The following NKAIN2 variants were observed in gnomAD, a reference collection of about 807,000 sequenced individuals.
The protein encoded by NKAIN2 is sodium/potassium transporting ATPase interacting 2, also known as sodium/potassium-transporting ATPase subunit beta-1-interacting protein 2.
A neutral mutation model predicts 32.6 loss-of-function variants in NKAIN2; 14 were observed. The ratio of observed to expected loss-of-function variants is 0.43; its 90% CI spans 0.28 to 0.67. NKAIN2 has a LOEUF of 0.67. Among genes scored for constraint, NKAIN2 ranks in the 30% least tolerant of loss-of-function variants. NKAIN2 has a pLI of 0.17. For synonymous variants in NKAIN2, 80 were observed against 87.2 expected (o/e 0.92, Z 0.46); for missense variants, 198 against 258.3 (o/e 0.77, Z 1.60).
At chr6:124,726,344 C>T (rs1312436181) in intron 4 of NKAIN2, among the ~76,000 whole-genome samples, 3 of 152,196 alleles carry the variant, frequency 2.0e-5, no homozygotes, top group Non-Finnish European at 4.4e-5. Flanking sequence ...GTTCTCCCAG[C>T]ACACAGCTAG....
chr6:123,866,349 T>G (rs1772511234), intron 1 of NKAIN2, among the ~76,000 whole-genome samples: 1 of 152,138 alleles, frequency 6.6e-6, no homozygotes, highest in Admixed American at 6.5e-5. Flanking sequence ...CACACCTTCT[T>G]CAACCTATTA....
At chr6:124,328,835 A>G (rs1469035380) in intron 2 of NKAIN2, among the ~76,000 whole-genome samples, 3 of 152,194 alleles carry the variant, frequency 2.0e-5, no homozygotes, top group African/African-American at 7.2e-5. Context: ...AAAATAAGCC[A>G]TACTGGAAGA....
intron 3 of NKAIN2, among the ~76,000 whole-genome samples, chr6:124,407,621 G>A (rs1443648190): frequency 6.6e-6 from 1 of 152,038 alleles, no homozygotes; most frequent in African/African-American, 2.4e-5. Flanking sequence ...TTGGTTCCAA[G>A]TCTTTGCTAT....
intron 3 of NKAIN2, chr6:124,437,852 G>A (rs1775514743): frequency 4.9e-6 from 2 of 409,036 alleles, no homozygotes; most frequent in South Asian, 1.8e-5. Context: ...GAATTGTAGG[G>A]AATACGTACT....
At chr6:124,437,871 G>GC (rs751652394) in intron 3 of NKAIN2, 1 of 328,790 alleles carries the variant, frequency 3.0e-6, no homozygotes, top group Non-Finnish European at 5.8e-6. Context: ...CTGATCTATT[G>GC]ATTTTTTTTT....
Position 124,595,571 on chromosome 6 carries a change from G to A in NKAIN2, c.274-62615G>A, listed in dbSNP as rs142052157. Among the ~76,000 whole-genome samples, 133 of 152,286 alleles carry A rather than the reference G, an allele frequency of 8.7e-4. No homozygotes were observed. In the East Asian group the frequency reaches 0.023, roughly 26 times the overall value. Reference sequence around the variant, plus strand: ...ACCTGATTTGGTGGAAGCCCAGCTTGTCTCTAGATATCCTCAGGGAACTTG... The same window carrying A: ...ACCTGATTTGGTGGAAGCCCAGCTTATCTCTAGATATCCTCAGGGAACTTG... On this transcript the variant is annotated intron_variant, in intron 3 of 6. Transcript: ENST00000368417.
chr6:124,522,979 TA>T (rs1203052439), intron 3 of NKAIN2, among the ~76,000 whole-genome samples: 3 of 148,524 alleles, frequency 2.0e-5, no homozygotes, highest in South Asian at 4.4e-4. Flanking sequence ...CCGTCTCTAC[TA>T]AAAATACAAA....
At chr6:124,443,426 G>T (rs988630356) in intron 3 of NKAIN2, among the ~76,000 whole-genome samples, 1 of 152,062 alleles carries the variant, frequency 6.6e-6, no homozygotes, top group South Asian at 2.1e-4. Flanking sequence ...GTTTCTGATC[G>T]CATATGACAT....
At chr6:124,778,478 G>A (rs1779084170) in intron 4 of NKAIN2, among the ~76,000 whole-genome samples, 1 of 151,524 alleles carries the variant, frequency 6.6e-6, no homozygotes, top group Non-Finnish European at 1.5e-5. Flanking sequence ...CATCAATGTT[G>A]TATTCTCCTT....
At position 123,804,379 on chromosome 6, in the gene NKAIN2, A is replaced by G. The variant is rs532220780; in HGVS notation, c.54+125A>G. 71 of 822,106 alleles carry G rather than the reference A, an allele frequency of 8.6e-5. 1 individual carries two copies. In the East Asian group the frequency reaches 1.8e-3, roughly 21 times the overall value. 50.9% of individuals were successfully genotyped at this position (822,106 alleles called of 1,614,324 possible). A position where few individuals can be genotyped will look rare whatever the true frequency, so the allele number is the denominator to read the frequency against. ...AGATAAAAGAGAAGGTGACAGATATATTGCCTATATTGAAGATGATTTCAG... is the reference window on the plus strand; with the variant it reads ...AGATAAAAGAGAAGGTGACAGATATGTTGCCTATATTGAAGATGATTTCAG... On this transcript the variant is annotated intron_variant, in intron 1 of 6. Coordinates refer to ENST00000368417, the MANE Select transcript of NKAIN2 (RefSeq NM_001040214.3).
At chr6:124,705,018 A>G (rs1287014193) in intron 4 of NKAIN2, among the ~76,000 whole-genome samples, 1 of 152,054 alleles carries the variant, frequency 6.6e-6, no homozygotes, top group African/African-American at 2.4e-5. Context: ...TCTTTTCTTT[A>G]AAAAAAGTTT....
intron 3 of NKAIN2, among the ~76,000 whole-genome samples, chr6:124,636,149 G>A (rs1214254841): frequency 1.3e-5 from 2 of 151,440 alleles, no homozygotes; most frequent in African/African-American, 4.8e-5. Flanking sequence ...AGGAACTTTG[G>A]AAACCACACA....
intron 3 of NKAIN2, among the ~76,000 whole-genome samples, chr6:124,417,909 A>C (rs1032418084): frequency 6.6e-6 from 1 of 152,194 alleles, no homozygotes; most frequent in African/African-American, 2.4e-5. Context: ...TTATGGTGAA[A>C]TATAAAGTTA....
At chr6:123,953,126 C>G (rs1288904031) in intron 1 of NKAIN2, among the ~76,000 whole-genome samples, 2 of 152,124 alleles carry the variant, frequency 1.3e-5, no homozygotes, top group African/African-American at 4.8e-5. Flanking sequence ...GTGTTCTTAT[C>G]ATTCCTTTGG....
At chr6:123,907,386 A>G (rs1484534121) in intron 1 of NKAIN2, among the ~76,000 whole-genome samples, 1 of 152,198 alleles carries the variant, frequency 6.6e-6, no homozygotes, top group Non-Finnish European at 1.5e-5. Context: ...TAGACTTATC[A>G]TAATATCATA....
intron 3 of NKAIN2, among the ~76,000 whole-genome samples, chr6:124,437,763 A>G (rs1475299038): frequency 6.6e-6 from 1 of 152,066 alleles, no homozygotes; most frequent in Non-Finnish European, 1.5e-5. Flanking sequence ...AGGTTAGGGA[A>G]GTAGTCTAGT....
chr6:124,084,004 C>T (rs1784086569), intron 1 of NKAIN2, among the ~76,000 whole-genome samples: 1 of 151,806 alleles, frequency 6.6e-6, no homozygotes, highest in Admixed American at 6.6e-5. Context: ...ACCAATAAAG[C>T]TATAACAGAA....
intron 1 of NKAIN2, among the ~76,000 whole-genome samples, chr6:124,077,912 T>C (rs1006136014): frequency 3.3e-5 from 5 of 152,138 alleles, no homozygotes; most frequent in Non-Finnish European, 7.4e-5. Context: ...AATTTTTAAA[T>C]TCTTAATTCA....
intron 4 of NKAIN2, among the ~76,000 whole-genome samples, chr6:124,708,586 T>C (rs1453388491): frequency 6.6e-6 from 1 of 151,290 alleles, no homozygotes; most frequent in East Asian, 1.9e-4. Context: ...TCCTAGGTAT[T>C]TTATTCTCTT....
Sources: gnomAD v4.1 joint callset for allele counts (sites outside exome capture counted in the v4.1 genomes callset) on GRCh38, gnomAD v4.1.1 for gene constraint, MANE v1.5 for transcripts, NCBI Gene and HGNC (gene_info 2026-07-23, HGNC 2026-07-21) for gene names.